The following RAB39A variants were observed in gnomAD, a reference collection of about 807,000 sequenced individuals.
RAB39A encodes the protein RAB39A, member RAS oncogene family, also known as ras-related protein Rab-39A.
RAB39A carries 17 observed loss-of-function variants against 20.9 expected under a neutral mutation model. The ratio of observed to expected loss-of-function variants is 0.81; its 90% CI spans 0.56 to 1.22. The LOEUF is 1.22. RAB39A is among the 50% of genes most tolerant of loss of function. The pLI, the probability that RAB39A is intolerant of heterozygous loss-of-function variation, is 0.00. For synonymous variants in RAB39A, 99 were observed against 103.4 expected (o/e 0.96, Z 0.26); for missense variants, 234 against 270.5 (o/e 0.87, Z 0.95).
intron 1 of RAB39A, among the ~76,000 whole-genome samples, chr11:107,950,599 T>G (rs2134967744): frequency 6.6e-6 from 1 of 152,046 alleles, no homozygotes; most frequent in South Asian, 2.1e-4. Flanking sequence ...AAACTTCGTC[T>G]CTACAAAAAA....
In RAB39A at chr11:107,930,338, C is replaced by A. The variant is rs541802660; in HGVS notation, c.227+1543C>A. 2.6e-5 allele frequency among the ~76,000 whole-genome samples: 4 copies of A among 152,296 alleles called. No homozygotes were observed. The South Asian group carries it at 8.3e-4, about 32-fold the overall frequency. The stretch of plus-strand genomic sequence containing the variant: ...ATCTCTAACATTCCTTCCAGTTTTA[C>A]CATTCTAAGTTGATTGCCAATTCCT... On this transcript the variant is annotated intron_variant, in intron 1 of 1. Coordinates refer to ENST00000320578, the MANE Select transcript of RAB39A (RefSeq NM_017516.3).
chr11:107,935,874 G>C (rs890192022), intron 1 of RAB39A, among the ~76,000 whole-genome samples: 1 of 138,154 alleles, frequency 7.2e-6, no homozygotes, highest in Non-Finnish European at 1.5e-5. Flanking sequence ...ACTTTCTGGG[G>C]AACGCAGCCC....
chr11:107,940,322 T>C (rs1861246453), intron 1 of RAB39A, among the ~76,000 whole-genome samples: 1 of 152,034 alleles, frequency 6.6e-6, no homozygotes, highest in African/African-American at 2.4e-5. Context: ...TCTAGTACAG[T>C]GGCACGATCT....
intron 1 of RAB39A, among the ~76,000 whole-genome samples, chr11:107,959,111 A>G (rs971091877): frequency 1.9e-4 from 21 of 108,726 alleles, no homozygotes; most frequent in African/African-American, 6.8e-4. Context: ...CAGAACAAAA[A>G]CTCCGTCTCA....
chr11:107,959,838 G>T lies in RAB39A; in HGVS notation c.228-2108G>T, dbSNP rs75350804. On this transcript the variant is annotated intron_variant, in intron 1 of 1. Coordinates refer to ENST00000320578, the MANE Select transcript of RAB39A (RefSeq NM_017516.3). ...AAGTAGTCAGATGAGTTTGCTAAAAGACCATTGACAAACTGGAAACTGAGA... is the reference window on the plus strand; with the variant it reads ...AAGTAGTCAGATGAGTTTGCTAAAATACCATTGACAAACTGGAAACTGAGA... Among the ~76,000 whole-genome samples the T allele has an allele frequency of 8.0e-3, 1,213 of 152,304 alleles. 15 individuals are homozygous for T. Among genetic ancestry groups the T allele is most frequent in the African/African-American group, 0.027 (1,134 of 41,554 alleles).
intron 1 of RAB39A, among the ~76,000 whole-genome samples, chr11:107,938,898 T>C (rs578174737): frequency 6.6e-6 from 1 of 152,230 alleles, no homozygotes; most frequent in South Asian, 2.1e-4. Context: ...ATAAATTAAT[T>C]GGTTTAGCAG....
At chr11:107,931,458 AT>A (rs1318118365) in intron 1 of RAB39A, among the ~76,000 whole-genome samples, 1 of 152,224 alleles carries the variant, frequency 6.6e-6, no homozygotes, top group Admixed American at 6.5e-5. Flanking sequence ...TTGTAAATAC[AT>A]ACGTATTTCA....
At chr11:107,935,377 TC>T (rs1445535999) in intron 1 of RAB39A, among the ~76,000 whole-genome samples, 2 of 149,548 alleles carry the variant, frequency 1.3e-5, no homozygotes, top group African/African-American at 5.1e-5. Flanking sequence ...TCTTTCTTCT[TC>T]TTTTTTTTTT....
intron 1 of RAB39A, among the ~76,000 whole-genome samples, chr11:107,941,590 G>T (rs191804050): frequency 6.6e-6 from 1 of 152,174 alleles, no homozygotes; most frequent in East Asian, 1.9e-4. Flanking sequence ...CTAGTCACTT[G>T]TCATATTTTT....
chr11:107,962,292 G>C lies in RAB39A; in HGVS notation c.574G>C (p.Gly192Arg). ...AATTTGTATTCAGGATGGCTGGGAAGGGGTTAAAAGTGGTTTTGTTCCAAA... is the reference window on the plus strand; with the variant it reads ...AATTTGTATTCAGGATGGCTGGGAACGGGTTAAAAGTGGTTTTGTTCCAAA... ...GEICIQDGWE[G>R]VKSGFVPNTV... Residue 192 changes from glycine (G) to arginine (R), a missense_variant, in exon 2 of 2, where the codon GGG becomes CGG. Gly to Arg is a moderately radical substitution (Grantham distance 125). Transcript: ENST00000320578. 6.2e-7 allele frequency: 1 copy of C among 1,613,798 alleles called. No homozygotes were observed. The highest frequency in any genetic ancestry group is 8.5e-7 in the Non-Finnish European group (1 of 1,179,926).
At chr11:107,944,884 T>C (rs189078598) in intron 1 of RAB39A, among the ~76,000 whole-genome samples, 2 of 151,800 alleles carry the variant, frequency 1.3e-5, no homozygotes, top group East Asian at 1.9e-4. Flanking sequence ...ACATTAACAA[T>C]AGAAAAAGAA....
At chr11:107,960,563 A>C (rs990280956) in intron 1 of RAB39A, among the ~76,000 whole-genome samples, 3 of 152,228 alleles carry the variant, frequency 2.0e-5, no homozygotes, top group Non-Finnish European at 4.4e-5. Flanking sequence ...TTCAGCCAGG[A>C]AACAGATGGC....
Position 107,932,639 on chromosome 11 carries a change from G to A in RAB39A, c.227+3844G>A, listed in dbSNP as rs1203561907. ...AGACACTTAGACTGGGCCATTATGTGCCTAGGATGTAGGAAAGATGCCTTT... is the reference window on the plus strand; with the variant it reads ...AGACACTTAGACTGGGCCATTATGTACCTAGGATGTAGGAAAGATGCCTTT... On this transcript the variant is annotated intron_variant, in intron 1 of 1. Coordinates refer to ENST00000320578, the MANE Select transcript of RAB39A (RefSeq NM_017516.3). 2.0e-5 allele frequency among the ~76,000 whole-genome samples: 3 copies of A among 152,326 alleles called. No individual in the cohort carries two copies. The East Asian group carries it at 5.8e-4, about 29-fold the overall frequency.
intron 1 of RAB39A, among the ~76,000 whole-genome samples, chr11:107,944,990 C>G (rs1409706680): frequency 6.6e-6 from 1 of 150,968 alleles, no homozygotes; most frequent in Non-Finnish European, 1.5e-5. Context: ...CAAGACCAGT[C>G]TGGCCAAGAT....
intron 1 of RAB39A, among the ~76,000 whole-genome samples, chr11:107,960,953 T>C (rs1200871377): frequency 6.6e-6 from 1 of 152,118 alleles, no homozygotes; most frequent in Admixed American, 6.6e-5. Flanking sequence ...GAAAGCTTTT[T>C]GTGAAGGACA....
rs140199122 is a variant in RAB39A at position 107,930,174 on chromosome 11, G to T, written c.227+1379G>T. The stretch of plus-strand genomic sequence containing the variant: ...GATGGTAAGGCCAGCGCTTCAGAGA[G>T]GTGTTAAAAGATTATTGATTGGATT... On this transcript the variant is annotated intron_variant, in intron 1 of 1. Transcript: ENST00000320578. Among the ~76,000 whole-genome samples the T allele has an allele frequency of 5.3e-5, 8 of 152,266 alleles. No individual in the cohort carries two copies. The East Asian group carries it at 1.3e-3, about 26-fold the overall frequency.
chr11:107,946,470 T>A lies in RAB39A; in HGVS notation c.228-15476T>A, dbSNP rs1260256890. Among the ~76,000 whole-genome samples the A allele has an allele frequency of 7.9e-4, 55 of 69,184 alleles. 1 individual carries two copies. The highest frequency in any genetic ancestry group is 1.4e-3 in the Non-Finnish European group (48 of 33,250). 45.4% of individuals were successfully genotyped at this position (69,184 alleles called of 152,430 possible). A position where few individuals can be genotyped will look rare whatever the true frequency, so the allele number is the denominator to read the frequency against. ...TATATATATATATATATTTTTTTTT[T>A]TTTTTTTTTTTTTTTTTTTTGAGAC... is the stretch of plus-strand genomic sequence containing the variant. On this transcript the variant is annotated intron_variant, in intron 1 of 1. Transcript: ENST00000320578.
Position 107,955,966 on chromosome 11 carries a change from A to C in RAB39A, c.228-5980A>C, listed in dbSNP as rs117699268. Among the ~76,000 whole-genome samples the C allele has an allele frequency of 5.0e-3, 767 of 152,208 alleles. 26 individuals are homozygous for C. In the East Asian group the frequency reaches 0.089, roughly 18 times the overall value. On this transcript the variant is annotated intron_variant, in intron 1 of 1. Coordinates refer to ENST00000320578, the MANE Select transcript of RAB39A (RefSeq NM_017516.3). ...GAGAGGTTTCATCAACATACCCCTG[A>C]TTAAAGGACTCCCTTCCCCCAAGAA...
chr11:107,938,757 A>T (rs1861227904), intron 1 of RAB39A, among the ~76,000 whole-genome samples: 1 of 151,734 alleles, frequency 6.6e-6, no homozygotes, highest in Non-Finnish European at 1.5e-5. Flanking sequence ...AAAGAAAGAA[A>T]AAGAAAAAGA....
Sources: gnomAD v4.1 joint callset for allele counts (sites outside exome capture counted in the v4.1 genomes callset) on GRCh38, gnomAD v4.1.1 for gene constraint, MANE v1.5 for transcripts, NCBI Gene and HGNC (gene_info 2026-07-23, HGNC 2026-07-21) for gene names.